SORCS3: variants seen among roughly 807,000 people sequenced by gnomAD.
SORCS3 encodes sortilin related VPS10 domain containing receptor 3.
In SORCS3, 57 loss-of-function variants were observed where a neutral mutation model predicts 146.3. The observed-to-expected ratio is 0.39, with a 90% CI of 0.31 to 0.49. The LOEUF (loss-of-function observed/expected upper bound fraction) is 0.49, where lower values mean the gene tolerates loss of function less well. Among genes scored for constraint, SORCS3 ranks in the 20% least tolerant of loss-of-function variants. The pLI is 0.92. For missense variants in SORCS3, 1,341 were observed against 1,575.5 expected, an observed-to-expected ratio of 0.85 and a Z score of 2.52; for synonymous variants, 653 against 618.5, an observed-to-expected ratio of 1.06 and a Z score of -0.83.
rs1197652668 is a variant in SORCS3, at chr10:104,940,639, A to G, written c.795+24707A>G. ...GTGCCACATTTTCTTAATCCACTCT[A>G]TCATTGATGGACATTTGGATTGGTT... On this transcript the variant is annotated intron_variant, in intron 3 of 26. Transcript: ENST00000369701. 4.6e-5 allele frequency among the ~76,000 whole-genome samples: 7 copies of G among 152,036 alleles called. No homozygotes were observed. In the East Asian group the frequency reaches 1.4e-3, roughly 30 times the overall value.
chr10:105,251,227 G>GA (rs2056896132), intron 22 of SORCS3, among the ~76,000 whole-genome samples: 1 of 152,166 alleles, frequency 6.6e-6, no homozygotes, highest in African/African-American at 2.4e-5. Flanking sequence ...AGGGTGACAG[G>GA]AAAGAGAAGA....
intron 1 of SORCS3, among the ~76,000 whole-genome samples, chr10:104,742,637 G>A (rs778765147): frequency 2.6e-4 from 40 of 152,172 alleles, no homozygotes; most frequent in Non-Finnish European, 3.1e-4. Flanking sequence ...CTGGGCCTGG[G>A]GCCTCAAGAG....
intron 2 of SORCS3, among the ~76,000 whole-genome samples, chr10:104,911,962 A>T (rs186755954): frequency 4.6e-5 from 7 of 152,314 alleles, no homozygotes; most frequent in Admixed American, 3.9e-4. Flanking sequence ...AGTAACAAAG[A>T]ATTACCCTCC....
chr10:104,886,812 A>G (rs1024859303), intron 2 of SORCS3, among the ~76,000 whole-genome samples: 5 of 152,106 alleles, frequency 3.3e-5, no homozygotes, highest in African/African-American at 1.2e-4. Context: ...GATGGGGACA[A>G]TTTTGAGGTT....
At chr10:104,680,083 T>C (rs1372329337) in intron 1 of SORCS3, among the ~76,000 whole-genome samples, 1 of 152,200 alleles carries the variant, frequency 6.6e-6, no homozygotes, top group East Asian at 1.9e-4. Flanking sequence ...GCTGGATTCA[T>C]TCATTCATTC....
chr10:104,859,573 C>T (rs1236283468), intron 2 of SORCS3, among the ~76,000 whole-genome samples: 3 of 152,166 alleles, frequency 2.0e-5, no homozygotes, highest in Admixed American at 2.0e-4. Flanking sequence ...CAAATGGGAT[C>T]TAATTAAACT....
intron 20 of SORCS3, among the ~76,000 whole-genome samples, chr10:105,241,950 G>A (rs774863850): frequency 2.0e-5 from 3 of 151,988 alleles, no homozygotes; most frequent in Non-Finnish European, 4.4e-5. Context: ...CAGAGAAAGC[G>A]CACCAAACAG....
chr10:104,896,243 C>G (rs897354181), intron 2 of SORCS3, among the ~76,000 whole-genome samples: 27 of 152,182 alleles, frequency 1.8e-4, no homozygotes, highest in Non-Finnish European at 2.6e-4. Context: ...CCCCTCTTTG[C>G]AGGACACAGA....
At chr10:105,016,431 GA>G (rs1466392419) in intron 4 of SORCS3, among the ~76,000 whole-genome samples, 1 of 151,632 alleles carries the variant, frequency 6.6e-6, no homozygotes, top group African/African-American at 2.4e-5. Context: ...TTACAGGTGT[GA>G]GCCACTGTGC....
intron 20 of SORCS3, among the ~76,000 whole-genome samples, chr10:105,234,953 A>G (rs2119699749): frequency 6.6e-6 from 1 of 152,124 alleles, no homozygotes; most frequent in East Asian, 1.9e-4. Context: ...TACTGGTTTG[A>G]AAGGAATGGC....
intron 1 of SORCS3, among the ~76,000 whole-genome samples, chr10:104,688,642 T>A (rs1252413673): frequency 1.3e-5 from 2 of 152,204 alleles, no homozygotes; most frequent in East Asian, 3.9e-4. Flanking sequence ...TTCTCTACTC[T>A]CTTTCCTCTT....
At chr10:105,235,138 C>T (rs1365910112) in intron 20 of SORCS3, among the ~76,000 whole-genome samples, 1 of 152,032 alleles carries the variant, frequency 6.6e-6, no homozygotes, top group African/African-American at 2.4e-5. Context: ...TATGTTCTCC[C>T]ACATGGAAGG....
chr10:104,823,303 G>A (rs1033685045), intron 1 of SORCS3, among the ~76,000 whole-genome samples: 14 of 152,138 alleles, frequency 9.2e-5, no homozygotes, highest in Non-Finnish European at 1.9e-4. Context: ...ACACTTAGAT[G>A]GTCCTCCCCT....
At chr10:105,209,237 G>T (rs2056620555) in intron 16 of SORCS3, among the ~76,000 whole-genome samples, 1 of 152,038 alleles carries the variant, frequency 6.6e-6, no homozygotes, top group Non-Finnish European at 1.5e-5. Flanking sequence ...CACCTCCTGG[G>T]TTCAAGCGAT....
intron 2 of SORCS3, among the ~76,000 whole-genome samples, chr10:104,915,093 A>G (rs1312156402): frequency 2.6e-5 from 4 of 152,080 alleles, no homozygotes; most frequent in South Asian, 4.2e-4. Context: ...CTCCTCCACC[A>G]TGGAAGGCAG....
chr10:105,158,671 G>A (rs1317630312), intron 10 of SORCS3, among the ~76,000 whole-genome samples: 1 of 151,886 alleles, frequency 6.6e-6, no homozygotes, highest in Non-Finnish European at 1.5e-5. Context: ...TGGTTGGGGG[G>A]CAGAGGCAGG....
chr10:105,174,644 T>C (rs911791279), intron 13 of SORCS3, among the ~76,000 whole-genome samples: 6 of 151,426 alleles, frequency 4.0e-5, no homozygotes, highest in African/African-American at 9.7e-5. Context: ...GCCCACTTGC[T>C]TGTGCTTACT....
intron 4 of SORCS3, among the ~76,000 whole-genome samples, chr10:105,022,388 C>A (rs562785383): frequency 2.0e-5 from 3 of 151,260 alleles, no homozygotes; most frequent in Non-Finnish European, 2.9e-5. Flanking sequence ...ACCTCTGCCC[C>A]CTAGGTTCAA....
intron 3 of SORCS3, among the ~76,000 whole-genome samples, chr10:104,976,796 A>G (rs988515216): frequency 6.6e-6 from 1 of 152,170 alleles, no homozygotes; most frequent in Non-Finnish European, 1.5e-5. Context: ...ATTCTCAGTG[A>G]ACTATTGCAA....
Sources: allele counts gnomAD v4.1 joint callset (sites outside exome capture counted in the v4.1 genomes callset), GRCh38; gene constraint gnomAD v4.1.1; transcripts MANE v1.5; gene names NCBI Gene and HGNC (gene_info 2026-07-23, HGNC 2026-07-21).